Variants in DPP10 observed in about 807,000 individuals in gnomAD.
DPP10 encodes the protein inactive dipeptidyl peptidase 10.
A neutral mutation model predicts 120.9 loss-of-function variants in DPP10; 33 were observed. The ratio of observed to expected loss-of-function variants is 0.27; its 90% CI spans 0.21 to 0.37. The LOEUF is 0.37. DPP10 is among the 10% of genes least tolerant of loss of function. The probability of loss-of-function intolerance (pLI) is 1.00; values close to 1 mark genes in which losing one functional copy is unlikely to be tolerated. For synonymous variants in DPP10, 337 were observed against 326.1 expected (o/e 1.03, Z -0.36); for missense variants, 816 against 942.8 (o/e 0.87, Z 1.76).
At chr2:115,359,901 A>G (rs1178442245) in intron 3 of DPP10, among the ~76,000 whole-genome samples, 4 of 152,210 alleles carry the variant, frequency 2.6e-5, no homozygotes, top group Admixed American at 2.0e-4. Context: ...TGTCTATTCT[A>G]TTTTTAATGC....
At chr2:114,729,367 A>G (rs1385680696) in intron 1 of DPP10, among the ~76,000 whole-genome samples, 1 of 152,238 alleles carries the variant, frequency 6.6e-6, no homozygotes, top group Non-Finnish European at 1.5e-5. Flanking sequence ...TGAAATGACT[A>G]TGGCTCATAT....
intron 15 of DPP10, among the ~76,000 whole-genome samples, chr2:115,780,380 A>T (rs1379907804): frequency 6.6e-6 from 1 of 151,886 alleles, no homozygotes; most frequent in African/African-American, 2.4e-5. Context: ...GATGGGGAAA[A>T]TTTGGCACTG....
intron 1 of DPP10, among the ~76,000 whole-genome samples, chr2:115,078,159 AAC>A (rs1707951470): frequency 6.6e-6 from 1 of 152,268 alleles, no homozygotes; most frequent in African/African-American, 2.4e-5. Flanking sequence ...ATATGAAGGT[AAC>A]AGTTTATTTT....
intron 1 of DPP10, among the ~76,000 whole-genome samples, chr2:115,045,464 T>C (rs985443845): frequency 2.0e-5 from 3 of 152,202 alleles, no homozygotes; most frequent in Non-Finnish European, 4.4e-5. Context: ...TTTCTCTAAC[T>C]TTGGAAAGTT....
chr2:115,681,945 A>G (rs1451228425), intron 5 of DPP10, among the ~76,000 whole-genome samples: 1 of 151,746 alleles, frequency 6.6e-6, no homozygotes, highest in East Asian at 1.9e-4. Flanking sequence ...TGAAATGACC[A>G]CTTTTCGAAG....
chr2:115,629,082 T>TG (rs1319943473), intron 5 of DPP10, among the ~76,000 whole-genome samples: 1 of 152,178 alleles, frequency 6.6e-6, no homozygotes, highest in Non-Finnish European at 1.5e-5. Context: ...TTTCTGTACT[T>TG]GCGATAGTTT....
chr2:115,126,423 T>G (rs1453952488), intron 1 of DPP10, among the ~76,000 whole-genome samples: 2 of 152,188 alleles, frequency 1.3e-5, no homozygotes, highest in Non-Finnish European at 2.9e-5. Context: ...TATTTTGTAT[T>G]TTCTATTCTT....
In DPP10 at chr2:115,253,866, G is replaced by A. The variant is rs535339968; in HGVS notation, c.61-55373G>A. 2.6e-5 allele frequency among the ~76,000 whole-genome samples: 4 copies of A among 152,302 alleles called. No individual in the cohort carries two copies. In the South Asian group the frequency reaches 8.3e-4, roughly 32 times the overall value. On this transcript the variant is annotated intron_variant, in intron 1 of 25. Transcript: ENST00000410059. Reference sequence around the variant, plus strand: ...GTCCTCCTTCCCCCAGCTTCACTAGGCAATGCCACAGTGGGAACTCCTTGT... The same window carrying A: ...GTCCTCCTTCCCCCAGCTTCACTAGACAATGCCACAGTGGGAACTCCTTGT...
At chr2:114,572,871 C>G (rs1444070591) in intron 1 of DPP10, among the ~76,000 whole-genome samples, 1 of 152,208 alleles carries the variant, frequency 6.6e-6, no homozygotes, top group Non-Finnish European at 1.5e-5. Flanking sequence ...AAAGCCTGTG[C>G]TCTTTCTACT....
intron 5 of DPP10, among the ~76,000 whole-genome samples, chr2:115,647,819 A>G (rs541036279): frequency 6.6e-6 from 1 of 152,212 alleles, no homozygotes; most frequent in South Asian, 2.1e-4. Flanking sequence ...CCTTAATTCC[A>G]TTCATGAGGC....
intron 3 of DPP10, among the ~76,000 whole-genome samples, chr2:115,422,284 G>C (rs1253759758): frequency 6.6e-6 from 1 of 152,284 alleles, no homozygotes; most frequent in Non-Finnish European, 1.5e-5. Context: ...TCTGGAGTTT[G>C]AATTAGTTTT....
intron 3 of DPP10, among the ~76,000 whole-genome samples, chr2:115,383,007 G>A (rs1360829816): frequency 6.6e-6 from 1 of 152,198 alleles, no homozygotes; most frequent in Non-Finnish European, 1.5e-5. Flanking sequence ...AACTCCTTAT[G>A]ATTTTTCAAT....
At chr2:115,049,012 T>TA (rs938977821) in intron 1 of DPP10, among the ~76,000 whole-genome samples, 11 of 152,128 alleles carry the variant, frequency 7.2e-5, no homozygotes, top group African/African-American at 2.4e-4. Flanking sequence ...AAATACTTAG[T>TA]AAAAATATGT....
intron 5 of DPP10, among the ~76,000 whole-genome samples, chr2:115,677,241 A>G (rs1044169012): frequency 6.6e-6 from 1 of 152,204 alleles, no homozygotes; most frequent in Non-Finnish European, 1.5e-5. Context: ...ATAAAAACAT[A>G]TAAAAATGTG....
At chr2:115,444,352 G>A (rs919160202) in intron 3 of DPP10, among the ~76,000 whole-genome samples, 2 of 152,012 alleles carry the variant, frequency 1.3e-5, no homozygotes, top group Admixed American at 1.3e-4. Flanking sequence ...TTAACATGAC[G>A]GTTAGACTCA....
chr2:115,569,065 C>T (rs1558863373), intron 5 of DPP10, among the ~76,000 whole-genome samples: 1 of 152,172 alleles, frequency 6.6e-6, no homozygotes, highest in Non-Finnish European at 1.5e-5. Context: ...TAATATCTTA[C>T]ATGGATACTT....
chr2:115,064,059 A>G lies in DPP10; in HGVS notation c.61-245180A>G, dbSNP rs186108353. On this transcript the variant is annotated intron_variant, in intron 1 of 25. Coordinates refer to ENST00000410059, the MANE Select transcript of DPP10 (RefSeq NM_020868.6). Reference sequence around the variant, plus strand: ...CCATCATTTTATTATTATACTTTATATTGTCGAATTTTTAACTTTCTCACT... The same window carrying G: ...CCATCATTTTATTATTATACTTTATGTTGTCGAATTTTTAACTTTCTCACT... Among the ~76,000 whole-genome samples, 26 of 152,098 alleles carry G rather than the reference A, an allele frequency of 1.7e-4. 1 individual carries two copies. The highest frequency in any genetic ancestry group is 5.8e-4 in the African/African-American group (24 of 41,446).
intron 2 of DPP10, among the ~76,000 whole-genome samples, chr2:115,328,543 A>G (rs1045875137): frequency 6.6e-6 from 1 of 152,108 alleles, no homozygotes; most frequent in African/African-American, 2.4e-5. Context: ...AGAGCCTAGT[A>G]TAAGATATAC....
At chr2:114,598,971 G>A (rs900622660) in intron 1 of DPP10, among the ~76,000 whole-genome samples, 1 of 151,744 alleles carries the variant, frequency 6.6e-6, no homozygotes, top group African/African-American at 2.4e-5. Flanking sequence ...GAAGCCAATG[G>A]GTCATTATGT....
Sources: allele counts gnomAD v4.1 joint callset (sites outside exome capture counted in the v4.1 genomes callset), GRCh38; gene constraint gnomAD v4.1.1; transcripts MANE v1.5; gene names NCBI Gene and HGNC (gene_info 2026-07-23, HGNC 2026-07-21).